The following FBXL4 variants were observed in gnomAD, a reference collection of about 807,000 sequenced individuals.
The protein encoded by FBXL4 is F-box/LRR-repeat protein 4.
FBXL4 carries 40 observed loss-of-function variants against 58.9 expected under a neutral mutation model. The observed-to-expected ratio is 0.68, with a 90% CI of 0.53 to 0.88. The LOEUF (loss-of-function observed/expected upper bound fraction) is 0.88. Among genes scored for constraint, FBXL4 ranks in the 40% least tolerant of loss-of-function variants. FBXL4 has a pLI of 0.00. For missense variants in FBXL4, 676 were observed against 734.4 expected (o/e 0.92, Z 0.92); for synonymous variants, 263 against 265.5 (o/e 0.99, Z 0.09).
At chr6:98,883,439 G>A (rs1398491156) in intron 7 of FBXL4, among the ~76,000 whole-genome samples, 2 of 151,820 alleles carry the variant, frequency 1.3e-5, no homozygotes, top group African/African-American at 4.8e-5. Flanking sequence ...TATTAAATGT[G>A]CCATTAATCC....
chr6:98,881,043 G>A (rs1046655810), intron 7 of FBXL4, among the ~76,000 whole-genome samples: 2 of 152,160 alleles, frequency 1.3e-5, no homozygotes, highest in African/African-American at 4.8e-5. Context: ...AAGAATGGCT[G>A]CAGCTCTGAC....
At chr6:98,920,943 T>C (rs918028385) in intron 4 of FBXL4, among the ~76,000 whole-genome samples, 5 of 152,166 alleles carry the variant, frequency 3.3e-5, no homozygotes, top group African/African-American at 1.2e-4. Flanking sequence ...GCTTTTGTAA[T>C]AGTACATTTA....
At chr6:98,892,882 A>G (rs1771277359) in intron 7 of FBXL4, among the ~76,000 whole-genome samples, 1 of 152,206 alleles carries the variant, frequency 6.6e-6, no homozygotes, top group Non-Finnish European at 1.5e-5. Context: ...GTCCCCCACA[A>G]TACCTATAAT....
chr6:98,899,474 T>C lies in FBXL4; in HGVS notation c.1111A>G (p.Lys371Glu). 6.2e-7 allele frequency: 1 copy of C among 1,612,074 alleles called. No individual in the cohort carries two copies. The highest frequency in any genetic ancestry group is 1.1e-5 in the South Asian group (1 of 90,764). ...CGTACTAATTCGGATCCACAAACCT[T>C]CAGAAACCTGCCAAAACAACATTCT... ...ISVAGFSRFL[K>E]VCGSELVRLE... The change falls in exon 7 of 10, where the codon AAG (lysine) becomes GAG (glutamate). Residue 371 changes from lysine to glutamate, a missense_variant. Coordinates refer to ENST00000369244, the MANE Select transcript of FBXL4 (RefSeq NM_001278716.2).
At position 98,874,311 on chromosome 6, in the gene FBXL4, T is replaced by G; in HGVS notation, c.1833A>C (p.Pro611=). ...TAAAGCTCTTTTTTATGAACACTTTTGGAAAGCTTGCATTCAGTTCTAGCA... is the reference window on the plus strand; with the variant it reads ...TAAAGCTCTTTTTTATGAACACTTTGGGAAAGCTTGCATTCAGTTCTAGCA... ...RAVLELNASF[P]KVFIKKSFTQ Residue 611 remains proline (P), a synonymous_variant, in exon 10 of 10, where the codon CCA becomes CCC. Transcript: ENST00000369244. 1.2e-6 allele frequency: 2 copies of G among 1,606,388 alleles called. No individual in the cohort carries two copies. The highest frequency in any genetic ancestry group is 2.2e-5 in the South Asian group (2 of 89,536).
intron 8 of FBXL4, 105 bp from the exon 9 acceptor site, chr6:98,875,832 A>G: frequency 1.8e-6 from 2 of 1,102,952 alleles, no homozygotes; most frequent in East Asian, 2.5e-5. Context: ...GCTTCCATGT[A>G]AACAAATCCA....
chr6:98,917,952 A>G (rs1772433886), intron 4 of FBXL4, among the ~76,000 whole-genome samples: 1 of 152,182 alleles, frequency 6.6e-6, no homozygotes, highest in Admixed American at 6.5e-5. Context: ...CAGATTTCAC[A>G]TTGATCAGTT....
In FBXL4 at chr6:98,917,355, C is replaced by T. The variant is rs1199994761; in HGVS notation, c.858+19G>A. 1.9e-6 allele frequency: 3 copies of T among 1,539,380 alleles called. No individual in the cohort carries two copies. Among genetic ancestry groups the T allele is most frequent in the African/African-American group, 1.4e-5 (1 of 72,902 alleles). Reference sequence around the variant, plus strand: ...TATAGTGTTATATCCAATACTGCTGCTAAATATTTTTGGCTTACCTCATAA... The same window carrying T: ...TATAGTGTTATATCCAATACTGCTGTTAAATATTTTTGGCTTACCTCATAA... On this transcript the variant is annotated intron_variant, in intron 5 of 9. Coordinates refer to ENST00000369244, the MANE Select transcript of FBXL4 (RefSeq NM_001278716.2).
intron 5 of FBXL4, among the ~76,000 whole-genome samples, chr6:98,907,422 G>A (rs1404185354): frequency 6.6e-6 from 1 of 152,056 alleles, no homozygotes; most frequent in Non-Finnish European, 1.5e-5. Context: ...GGAAATAAGG[G>A]GTCTGCTTAA....
chr6:98,892,869 C>G (rs1402642656), intron 7 of FBXL4, among the ~76,000 whole-genome samples: 2 of 152,206 alleles, frequency 1.3e-5, no homozygotes, highest in African/African-American at 4.8e-5. Flanking sequence ...CTGTCATATA[C>G]TAGTCCCCCA....
chr6:98,899,009 A>T lies in FBXL4; in HGVS notation c.1317+259T>A, dbSNP rs1007468613. 8 of 985,040 alleles carry T rather than the reference A, an allele frequency of 8.1e-6. No individual in the cohort carries two copies. The Admixed American group carries it at 4.3e-4, about 53-fold the overall frequency. The allele number at this position is 985,040 out of a possible 1,614,324, so 61.0% of individuals were successfully genotyped here. ...TTTTGGCTTACCTCAACCAACGCTT[A>T]TTTTTTTTCCTGGGGACATAAATAG... On this transcript the variant is annotated intron_variant, in intron 7 of 9. Transcript: ENST00000369244.
At chr6:98,880,709 C>T (rs1770822974) in intron 7 of FBXL4, 85 bp from the exon 8 acceptor site, 4 of 1,112,992 alleles carry the variant, frequency 3.6e-6, no homozygotes, top group South Asian at 2.6e-5. Context: ...ACATTAAAGG[C>T]TGTCACTGCT....
chr6:98,907,776 T>G (rs1039748172), intron 5 of FBXL4, among the ~76,000 whole-genome samples: 1 of 152,184 alleles, frequency 6.6e-6, no homozygotes, highest in South Asian at 2.1e-4. Context: ...GGCTCAGTAT[T>G]AATTTCAGGT....
chr6:98,892,684 C>T (rs2128386023), intron 7 of FBXL4, among the ~76,000 whole-genome samples: 1 of 152,180 alleles, frequency 6.6e-6, no homozygotes, highest in African/African-American at 2.4e-5. Flanking sequence ...TATGCTCTGC[C>T]AAATAAACTG....
intron 4 of FBXL4, among the ~76,000 whole-genome samples, chr6:98,924,849 T>G (rs547364508): frequency 1.3e-5 from 2 of 152,300 alleles, no homozygotes; most frequent in Non-Finnish European, 2.9e-5. Context: ...TCTGCCCGCC[T>G]CCTCCTGCAC....
At chr6:98,916,120 C>T (rs1772335342) in intron 5 of FBXL4, among the ~76,000 whole-genome samples, 1 of 151,734 alleles carries the variant, frequency 6.6e-6, no homozygotes, top group Non-Finnish European at 1.5e-5. Context: ...CAATGAGATA[C>T]CATCTCACAC....
intron 8 of FBXL4, among the ~76,000 whole-genome samples, chr6:98,880,264 TAG>T (rs1474552947): frequency 2.0e-5 from 3 of 152,190 alleles, no homozygotes; most frequent in African/African-American, 7.2e-5. Flanking sequence ...TGAAGAAACC[TAG>T]AGAGGTGATT....
At chr6:98,913,270 G>A (rs1376610269) in intron 5 of FBXL4, among the ~76,000 whole-genome samples, 1 of 152,046 alleles carries the variant, frequency 6.6e-6, no homozygotes, top group East Asian at 1.9e-4. Context: ...AGATCAACGA[G>A]ACAGAAAGTT....
intron 9 of FBXL4, among the ~76,000 whole-genome samples, chr6:98,875,018 C>A (rs957273700): frequency 6.6e-6 from 1 of 152,030 alleles, no homozygotes; most frequent in Admixed American, 6.6e-5. Context: ...AAAGATTTCA[C>A]GATATTCCTT....
Sources: allele counts gnomAD v4.1 joint callset (sites outside exome capture counted in the v4.1 genomes callset), GRCh38; gene constraint gnomAD v4.1.1; transcripts MANE v1.5; gene names NCBI Gene and HGNC (gene_info 2026-07-23, HGNC 2026-07-21).